The following CD83 variants were observed in gnomAD, a reference collection of about 807,000 sequenced individuals.
CD83 encodes CD83 molecule, also known as CD83 antigen.
Under a neutral mutation model 24.6 loss-of-function variants are expected in CD83, and 22 were observed. The ratio of observed to expected loss-of-function variants is 0.90; its 90% CI spans 0.64 to 1.28. The LOEUF (loss-of-function observed/expected upper bound fraction) is 1.28, where lower values mean the gene tolerates loss of function less well. Ranked by LOEUF, CD83 falls within the 50% of genes most tolerant of loss-of-function variation. The probability of loss-of-function intolerance (pLI) is 0.00; values close to 1 mark genes in which losing one functional copy is unlikely to be tolerated. For synonymous variants in CD83, 101 were observed against 103.5 expected (o/e 0.98, Z 0.14); for missense variants, 253 against 252.8 (o/e 1.00, Z -0.01).
intron 2 of CD83, among the ~76,000 whole-genome samples, chr6:14,122,916 C>T (rs2113389209): frequency 6.6e-6 from 1 of 152,274 alleles, no homozygotes. Context: ...TTTTTGGGAA[C>T]CATTGAGGTA....
upstream of CD83, chr6:14,117,597 C>T: frequency 1.7e-5 from 1 of 58,466 alleles, no homozygotes; most frequent in African/African-American, 3.5e-4. This position sits in a 1 kb window ranked among gnomAD's most constrained non-coding sequence, Gnocchi z 4.6. Context: ...GCGACGGGGG[C>T]GGGGACGGGG....
At chr6:14,118,421 G>GGA in intron 2 of CD83, among the ~76,000 whole-genome samples, 1 of 152,268 alleles carries the variant, frequency 6.6e-6, no homozygotes, top group South Asian at 2.1e-4. Flanking sequence ...AAAGCAACAG[G>GGA]GACCTAGATT....
intron 2 of CD83, among the ~76,000 whole-genome samples, chr6:14,118,656 G>A (rs2113383554): frequency 6.6e-6 from 1 of 152,314 alleles, no homozygotes. Context: ...TGGCAGCCTT[G>A]AGAGCATCAG....
intron 2 of CD83, among the ~76,000 whole-genome samples, chr6:14,121,316 C>G (rs370507264): frequency 1.3e-5 from 2 of 151,680 alleles, no homozygotes; most frequent in Admixed American, 6.6e-5. Context: ...ACTACAAGGG[C>G]GTACCACCAC....
At chr6:14,130,739 GAAAA>G (rs1028042269) in intron 2 of CD83, among the ~76,000 whole-genome samples, 2 of 151,896 alleles carry the variant, frequency 1.3e-5, no homozygotes, top group Non-Finnish European at 2.9e-5. Context: ...TCTCAAAAAA[GAAAA>G]AAAGAAAGCC....
At chr6:14,117,364 C>T (rs1759549452), upstream of CD83, 1 of 152,184 alleles carries the variant, frequency 6.6e-6, no homozygotes, top group Non-Finnish European at 1.5e-5. This position sits in a 1 kb window ranked among gnomAD's most constrained non-coding sequence, Gnocchi z 4.6. Context: ...TCTGGTTTGG[C>T]CTCCGTAAAA....
At position 14,134,512 on chromosome 6, in the gene CD83, G is replaced by T. The variant is rs547404165; in HGVS notation, c.490-596G>T. On this transcript the variant is annotated intron_variant, in intron 4 of 4. Transcript: ENST00000379153. ...CACCAGGCAGGGCTGGCTACCTAGG[G>T]GCCAGGACAGACTTCACCCAGGAGC... 2.6e-5 allele frequency among the ~76,000 whole-genome samples: 4 copies of T among 152,306 alleles called. No homozygotes were observed. The South Asian group carries it at 8.3e-4, about 32-fold the overall frequency.
rs1213213019 is a variant in CD83, at chr6:14,126,066, A to T, written c.154-5454A>T. On this transcript the variant is annotated intron_variant, in intron 2 of 4. Coordinates refer to ENST00000379153, the MANE Select transcript of CD83 (RefSeq NM_004233.4). ...CCATGAGCAAGTAAGGGAGCTCCAG[A>T]TCACGAAATGGGGCTCAGAGGTGAA... 2.0e-5 allele frequency among the ~76,000 whole-genome samples: 3 copies of T among 152,130 alleles called. No individual in the cohort carries two copies. The East Asian group carries it at 5.8e-4, about 30-fold the overall frequency.
Position 14,135,089 on chromosome 6 carries a change from T to A in CD83, c.490-19T>A. On this transcript the variant is annotated intron_variant, in intron 4 of 4. Coordinates refer to ENST00000379153, the MANE Select transcript of CD83 (RefSeq NM_004233.4). ...ATTTTTCCAATTATTCACTTCACAT[T>A]TCTTTCATTTCTTTTTAGAAGTTTG... 2 of 1,612,996 alleles carry A rather than the reference T, an allele frequency of 1.2e-6. No homozygotes were observed. Among genetic ancestry groups the A allele is most frequent in the Non-Finnish European group, 1.7e-6 (2 of 1,179,458 alleles).
At chr6:14,124,935 T>C (rs920743662) in intron 2 of CD83, among the ~76,000 whole-genome samples, 1 of 152,092 alleles carries the variant, frequency 6.6e-6, no homozygotes, top group Admixed American at 6.5e-5. Flanking sequence ...CCTACTTCAG[T>C]ATGAATGATG....
In CD83 at chr6:14,121,616, CAAAAAAAAAAA is replaced by C. The variant is rs57805122; in HGVS notation, c.153+3566_153+3576del. ...GCAATGCAGTGAGACCTGTCTCTAC[CAAAAAAAAAAA>C]AAAAAAAAAAAAAAGTTGTAATAGA... On this transcript the variant is annotated intron_variant, in intron 2 of 4. Coordinates refer to ENST00000379153, the MANE Select transcript of CD83 (RefSeq NM_004233.4). Among the ~76,000 whole-genome samples, 368 of 53,826 alleles carry C rather than the reference CAAAAAAAAAAA, an allele frequency of 6.8e-3. 3 individuals carry two copies. Among genetic ancestry groups the C allele is most frequent in the African/African-American group, 0.028 (350 of 12,630 alleles). 35.3% of individuals were successfully genotyped at this position (53,826 alleles called of 152,430 possible). A position where few individuals can be genotyped will look rare whatever the true frequency, so the allele number is the denominator to read the frequency against.
chr6:14,118,849 T>C (rs1759605681), intron 2 of CD83, among the ~76,000 whole-genome samples: 1 of 152,240 alleles, frequency 6.6e-6, no homozygotes, highest in Admixed American at 6.5e-5. Context: ...TCACTGGTCC[T>C]TCTTTAAGTC....
At position 14,117,880 on chromosome 6, in the gene CD83, G is replaced by A. The variant is rs771547901; in HGVS notation, c.37+32G>A. ...CTCGCGAGCGCCTGTCTCGCCTGTC[G>A]CCCCCCGCCCCTCCACGACACCCCC... On this transcript the variant is annotated intron_variant, in intron 1 of 4. Transcript: ENST00000379153. The surrounding 1 kb of genome is among the most constrained non-coding windows in gnomAD (Gnocchi z 4.6). The A allele has an allele frequency of 1.2e-5, 19 of 1,573,550 alleles. No homozygotes were observed. Among genetic ancestry groups the A allele is most frequent in the Admixed American group, 1.8e-5 (1 of 56,222 alleles).
At position 14,125,330 on chromosome 6, in the gene CD83, C is replaced by T; in HGVS notation, c.154-6190C>T. On this transcript the variant is annotated intron_variant, in intron 2 of 4. Coordinates refer to ENST00000379153, the MANE Select transcript of CD83 (RefSeq NM_004233.4). ...TTTACATTGGTTCTGTGTCCAACCT[C>T]TACATAGCAGCCAGATCACAGCCAG... Among the ~76,000 whole-genome samples, 2 of 152,222 alleles carry T rather than the reference C, an allele frequency of 1.3e-5. 1 individual carries two copies. The highest frequency in any genetic ancestry group is 3.8e-4 in the East Asian group (2 of 5,204).
intron 2 of CD83, among the ~76,000 whole-genome samples, chr6:14,118,641 T>C (rs1274465398): frequency 1.3e-5 from 2 of 152,164 alleles, no homozygotes; most frequent in African/African-American, 4.8e-5. Context: ...TCCTCCTCCT[T>C]CCTCTGGCAG....
At chr6:14,125,372 C>T (rs1001177478) in intron 2 of CD83, among the ~76,000 whole-genome samples, 4 of 152,228 alleles carry the variant, frequency 2.6e-5, no homozygotes, top group African/African-American at 7.2e-5. Flanking sequence ...CAGAGTTGGA[C>T]AAGTTGCACA....
chr6:14,117,921 G>T lies in CD83; in HGVS notation c.38-29G>T. The T allele has an allele frequency of 6.3e-7, 1 of 1,594,520 alleles. No homozygotes were observed. Among genetic ancestry groups the T allele is most frequent in the Non-Finnish European group, 8.5e-7 (1 of 1,173,568 alleles). On this transcript the variant is annotated intron_variant, in intron 1 of 4. Coordinates refer to ENST00000379153, the MANE Select transcript of CD83 (RefSeq NM_004233.4). This position sits in a 1 kb window ranked among gnomAD's most constrained non-coding sequence, Gnocchi z 4.6. ...CGACACCCCCTCCCGTCGGTCGCTT[G>T]CTCACGACGCGCTCTCTCTTTCTTG...
chr6:14,120,396 C>T (rs753408953), intron 2 of CD83, among the ~76,000 whole-genome samples: 9 of 152,150 alleles, frequency 5.9e-5, no homozygotes, highest in Non-Finnish European at 1.0e-4. Flanking sequence ...CTTCATTTTA[C>T]AGAATGTTAA....
chr6:14,134,754 G>A (rs950817932), intron 4 of CD83, among the ~76,000 whole-genome samples: 3 of 152,262 alleles, frequency 2.0e-5, no homozygotes, highest in African/African-American at 7.2e-5. Flanking sequence ...CAGTTAGGAT[G>A]TTAGGGTTAT....
Sources: gnomAD v4.1 joint callset for allele counts (sites outside exome capture counted in the v4.1 genomes callset) on GRCh38, gnomAD v4.1.1 for gene constraint, Gnocchi (gnomAD v3.1) non-coding constraint, MANE v1.5 for transcripts, NCBI Gene and HGNC (gene_info 2026-07-23, HGNC 2026-07-21) for gene names.